Variants in ATM observed in about 807,000 individuals in gnomAD.
ATM encodes the protein serine-protein kinase ATM.
ATM carries 308 observed loss-of-function variants against 387.0 expected under a neutral mutation model. The ratio of observed to expected loss-of-function variants is 0.80; its 90% CI spans 0.73 to 0.87. ATM has a LOEUF of 0.87. ATM is among the 40% of genes least tolerant of loss of function. ATM has a pLI of 0.00. For synonymous variants in ATM, 1,156 were observed against 1,187.3 expected, an observed-to-expected ratio of 0.97 and a Z score of 0.54; for missense variants, 3,312 against 3,560.9, an observed-to-expected ratio of 0.93 and a Z score of 1.78.
chr11:108,353,224 A>G (rs932852381), intron 59 of ATM, among the ~76,000 whole-genome samples: 1 of 151,708 alleles, frequency 6.6e-6, no homozygotes, highest in Non-Finnish European at 1.5e-5. Context: ...TCTCAGCTCC[A>G]TGTATCCTTC....
intron 13 of ATM, among the ~76,000 whole-genome samples, chr11:108,254,667 T>C (rs1188921969): frequency 6.6e-6 from 1 of 152,148 alleles, no homozygotes; most frequent in Non-Finnish European, 1.5e-5. Context: ...GAATTTTTAT[T>C]TTTGAGACAG....
intron 54 of ATM, among the ~76,000 whole-genome samples, chr11:108,334,357 A>C (rs1053952138): frequency 6.6e-6 from 1 of 152,198 alleles, no homozygotes; most frequent in Non-Finnish European, 1.5e-5. Context: ...GTGATATATC[A>C]CAGTATTAAG....
intron 38 of ATM, among the ~76,000 whole-genome samples, chr11:108,309,310 T>A (rs2083946816): frequency 6.6e-6 from 1 of 152,236 alleles, no homozygotes; most frequent in South Asian, 2.1e-4. Flanking sequence ...TTATTTCACT[T>A]CTCTGAACTT....
In ATM at chr11:108,368,033, C is replaced by T; in HGVS notation, c.*2525C>T. On this transcript the variant is annotated 3_prime_UTR_variant, in exon 63 of 63. Coordinates refer to ENST00000675843, the MANE Select transcript of ATM (RefSeq NM_000051.4). ...GCTAATTCTTGCTAGTTGTTGCATC[C>T]AGAGAGCTTTGAATAACATCATTAA... 1 of 206,804 alleles carries T rather than the reference C, an allele frequency of 4.8e-6. No homozygotes were observed. The highest frequency in any genetic ancestry group is 9.9e-6 in the Non-Finnish European group (1 of 101,506). 12.8% of individuals were successfully genotyped at this position (206,804 alleles called of 1,614,324 possible).
rs876660743 is a variant in ATM at position 108,333,940 on chromosome 11, ATGT to A, written c.7989_7991del (p.Val2664del). The A allele has an allele frequency of 6.2e-7, 1 of 1,611,456 alleles. No homozygotes were observed. The highest frequency in any genetic ancestry group is 2.2e-5 in the East Asian group (1 of 44,856). On this transcript the variant is annotated inframe_deletion, in exon 54 of 63. Coordinates refer to ENST00000675843, the MANE Select transcript of ATM (RefSeq NM_000051.4). ...ATTACTAAACTTAAGAATTTAGAAG[ATGT>A]TGTTGTCCCTACTATGGAAATTAAG...
chr11:108,245,821 CTT>C (rs369306448), intron 7 of ATM, among the ~76,000 whole-genome samples: 7 of 129,864 alleles, frequency 5.4e-5, no homozygotes, highest in African/African-American at 8.5e-5. Flanking sequence ...CTTGTAGCCA[CTT>C]TTTTTTTTTT....
chr11:108,329,453 C>A, intron 49 of ATM: 1 of 559,988 alleles, frequency 1.8e-6, no homozygotes, highest in Non-Finnish European at 3.2e-6. Flanking sequence ...GTCACCCAGG[C>A]TGGAGTACAG....
At chr11:108,350,349 AG>A (rs1488045995) in intron 59 of ATM, among the ~76,000 whole-genome samples, 1 of 152,208 alleles carries the variant, frequency 6.6e-6, no homozygotes, top group Non-Finnish European at 1.5e-5. Flanking sequence ...GGGAAAGAAG[AG>A]GGCTAATAAA....
chr11:108,253,918 A>C lies in ATM; in HGVS notation c.2003A>C (p.Glu668Ala). The change falls in exon 13 of 63, where the codon GAA becomes GCA. Residue 668 changes from glutamate (E) to alanine (A), a missense_variant. By Grantham distance (107) the Glu-to-Ala change is moderately radical (BLOSUM62 -1). This residue lies in a region of ATM where 1,791 missense variants were observed against 1,804.5 expected (regional missense o/e 0.99). Transcript: ENST00000675843. ...ATGGACTTTTTAACCATTGTGAGAG[A>C]ATGTGGTATAGAAAAGCACCAGTCC... ...DKMDFLTIVRECGIEKHQSSI... is the reference protein window; with the variant it reads ...DKMDFLTIVRACGIEKHQSSI... 6.2e-7 allele frequency: 1 copy of C among 1,614,088 alleles called. No homozygotes were observed. Among genetic ancestry groups the C allele is most frequent in the Non-Finnish European group, 8.5e-7 (1 of 1,179,972 alleles).
intron 56 of ATM, among the ~76,000 whole-genome samples, chr11:108,339,720 A>G (rs2087288782): frequency 6.6e-6 from 1 of 152,154 alleles, no homozygotes; most frequent in Admixed American, 6.6e-5. Flanking sequence ...CTCTCAACAA[A>G]AAATAAGGGT....
At chr11:108,270,204 C>T (rs2081497363) in intron 18 of ATM, among the ~76,000 whole-genome samples, 1 of 152,078 alleles carries the variant, frequency 6.6e-6, no homozygotes, top group South Asian at 2.1e-4. Context: ...TGCATAGTAC[C>T]ATAAAGAGCC....
Position 108,335,004 on chromosome 11 carries a change from T to G in ATM, c.8046T>G (p.Thr2682=). The G allele has an allele frequency of 6.2e-7, 1 of 1,613,748 alleles. No homozygotes were observed. The highest frequency in any genetic ancestry group is 8.5e-7 in the Non-Finnish European group (1 of 1,179,666). The change falls in exon 55 of 63, where the codon ACT becomes ACG. Residue 2682 remains threonine (T), a synonymous_variant. Coordinates refer to ENST00000675843, the MANE Select transcript of ATM (RefSeq NM_000051.4). ...DHTGEYGNLV[T]IQSFKAEFRL... is the part of the protein sequence containing the mutation. ...CAGGAGAATATGGAAATCTGGTGAC[T>G]ATACAGTCATTTAAAGCAGAATTTC...
At position 108,247,039 on chromosome 11, in the gene ATM, T is replaced by G. The variant is rs768720856; in HGVS notation, c.977T>G (p.Ile326Arg). 6.2e-7 allele frequency: 1 copy of G among 1,613,656 alleles called. No individual in the cohort carries two copies. Among genetic ancestry groups the G allele is most frequent in the Non-Finnish European group, 8.5e-7 (1 of 1,179,668 alleles). ...CTGCTAGTGAATGAGATAAGTCATA[T>G]AGGAAGTAGAGGAAAGTATTCTTCA... ...YDLLVNEISH[I>R]GSRGKYSSGF... is the part of the protein sequence containing the mutation. The change falls in exon 8 of 63, where the codon ATA (isoleucine) becomes AGA (arginine). Residue 326 changes from isoleucine (I) to arginine (R), a missense_variant. Ile to Arg is a moderately conservative substitution (Grantham distance 97, BLOSUM62 -3). Around this residue, in one of 4 missense-constraint regions of ATM, gnomAD observed 1,791 missense variants for 1,804.5 expected, o/e 0.99. Transcript: ENST00000675843.
chr11:108,316,878 A>C (rs151123730), intron 42 of ATM, among the ~76,000 whole-genome samples: 1,742 of 151,924 alleles, frequency 0.011, 37 homozygotes, highest in African/African-American at 0.04. Context: ...GTGAGCCGAG[A>C]TCGCGCCACT....
intron 7 of ATM, 147 bp downstream of exon 7, chr11:108,245,173 A>G (rs2079783341): frequency 5.3e-6 from 4 of 755,008 alleles, no homozygotes; most frequent in East Asian, 2.7e-5. Flanking sequence ...AATGTTTTTC[A>G]TAGAGTTTTT....
At chr11:108,288,076 CTT>C (rs541845370) in intron 27 of ATM, among the ~76,000 whole-genome samples, 1 of 146,074 alleles carries the variant, frequency 6.8e-6, no homozygotes, top group Non-Finnish European at 1.5e-5. Flanking sequence ...ATCACCTTTT[CTT>C]TTTTTTTTTG....
intron 4 of ATM, chr11:108,229,883 G>C (rs1344706128): frequency 6.7e-6 from 1 of 149,444 alleles, no homozygotes; most frequent in Non-Finnish European, 1.5e-5. Flanking sequence ...TTATTTCACT[G>C]TTCTGCCCAG....
chr11:108,237,459 C>T lies in ATM; in HGVS notation c.496+1625C>T, dbSNP rs527860453. Among the ~76,000 whole-genome samples, 6 of 152,188 alleles carry T rather than the reference C, an allele frequency of 3.9e-5. No homozygotes were observed. In the South Asian group the frequency reaches 8.3e-4, roughly 21 times the overall value. On this transcript the variant is annotated intron_variant, in intron 5 of 62. Transcript: ENST00000675843. ...CCCCTTTTTATTTTTAAACTAACTACTCTTACTTCTTTTTTTTTCTTTTTT... is the reference window on the plus strand; with the variant it reads ...CCCCTTTTTATTTTTAAACTAACTATTCTTACTTCTTTTTTTTTCTTTTTT...
intron 44 of ATM, among the ~76,000 whole-genome samples, chr11:108,320,882 A>G (rs1444080626): frequency 3.3e-5 from 5 of 152,252 alleles, no homozygotes; most frequent in East Asian, 1.9e-4. Context: ...CATATTTTGT[A>G]TAAGTATTAT....
Sources: allele counts gnomAD v4.1 joint callset (sites outside exome capture counted in the v4.1 genomes callset), GRCh38; gene constraint gnomAD v4.1.1; regional missense constraint gnomAD v4.1.1; transcripts MANE v1.5; gene names NCBI Gene and HGNC (gene_info 2026-07-23, HGNC 2026-07-21).